Variants in POLA1 observed in about 807,000 individuals in gnomAD.
The protein encoded by POLA1 is DNA polymerase alpha 1, catalytic subunit, also known as DNA polymerase alpha catalytic subunit.
In POLA1, 15 loss-of-function variants were observed where a neutral mutation model predicts 124.0. The ratio of observed to expected loss-of-function variants is 0.12; its 90% CI spans 0.08 to 0.19. The LOEUF (loss-of-function observed/expected upper bound fraction) is 0.19, where lower values mean the gene tolerates loss of function less well. POLA1 is among the 10% of genes least tolerant of loss of function. The pLI, the probability that POLA1 is intolerant of heterozygous loss-of-function variation, is 1.00. For synonymous variants in POLA1, 408 were observed against 389.4 expected (o/e 1.05, Z -0.56); for missense variants, 886 against 1,103.4 (o/e 0.80, Z 2.79).
intron 35 of POLA1, among the ~76,000 whole-genome samples, chrX:24,927,292 G>T (rs1444255546): frequency 9.0e-6 from 1 of 111,707 alleles, no homozygotes; most frequent in Middle Eastern, 4.2e-3. Context: ...CTTTGACTTG[G>T]AGAAAGAATG....
Position 24,826,540 on chromosome X carries a change from C to G in POLA1, c.3675C>G (p.Val1225=). The G allele has an allele frequency of 1.7e-6, 2 of 1,206,159 alleles. No homozygotes were observed. Among genetic ancestry groups the G allele is most frequent in the Non-Finnish European group, 2.2e-6 (2 of 891,645 alleles). Residue 1225 remains valine (V), a synonymous_variant, in exon 32 of 37, where the codon GTC becomes GTG. Coordinates refer to ENST00000379068, the MANE Select transcript of POLA1 (RefSeq NM_001330360.2). ...ACCTGGCCCAGCAGATCCACCCAGT[C>G]GTGGCTCGGATCTGTGAACCAATAG... The part of the protein sequence containing the change: ...QYYLAQQIHP[V]VARICEPIDG...
chrX:24,786,530 A>G (rs1319969927), intron 26 of POLA1, among the ~76,000 whole-genome samples: 1 of 107,782 alleles, frequency 9.3e-6, no homozygotes, highest in South Asian at 4.1e-4. Context: ...ATTTTTAGGG[A>G]CAGGGTCTCA....
At position 24,972,798 on chromosome X, in the gene POLA1, T is replaced by C. The variant is rs760680657; in HGVS notation, c.4262-23007T>C. ...AGATGAGAGAGTTTTTCAAATAACC[T>C]TTCCTGAGAAGCTAAGGAATCTGTA... On this transcript the variant is annotated intron_variant, in intron 36 of 36. Coordinates refer to ENST00000379068, the MANE Select transcript of POLA1 (RefSeq NM_001330360.2). 3.6e-5 allele frequency among the ~76,000 whole-genome samples: 4 copies of C among 112,406 alleles called. No homozygotes were observed. The East Asian group carries it at 8.4e-4, about 24-fold the overall frequency.
chrX:24,947,248 T>C (rs1334065177), intron 36 of POLA1, among the ~76,000 whole-genome samples: 1 of 12,177 alleles, frequency 8.2e-5, no homozygotes, highest in Non-Finnish European at 1.5e-4. Context: ...TGCAGATTCT[T>C]TTTTTTTTTT....
At chrX:24,742,558 G>C (rs1206784853) in intron 22 of POLA1, among the ~76,000 whole-genome samples, 1 of 112,318 alleles carries the variant, frequency 8.9e-6, no homozygotes, top group Non-Finnish European at 1.9e-5. Flanking sequence ...CATCACTTTG[G>C]AACTAAAACT....
At chrX:24,907,188 C>T (rs1215579133) in intron 35 of POLA1, among the ~76,000 whole-genome samples, 1 of 110,483 alleles carries the variant, frequency 9.1e-6, no homozygotes, top group African/African-American at 3.3e-5. Context: ...AAGACTCTGT[C>T]TTAAAGAGAA....
rs11573312 is a variant in POLA1 at position 24,703,837 on chromosome X, G to T, written c.265+490G>T. ...AGGTTCTAGGTATGAAAATTAACTT[G>T]GTCAGTAGAAAGCACCATACAAAGG... On this transcript the variant is annotated intron_variant, in intron 3 of 36. Coordinates refer to ENST00000379068, the MANE Select transcript of POLA1 (RefSeq NM_001330360.2). 7.1e-3 allele frequency among the ~76,000 whole-genome samples: 794 copies of T among 111,826 alleles called. 4 individuals are homozygous for T. The highest frequency in any genetic ancestry group is 0.024 in the African/African-American group (739 of 30,756).
At chrX:24,910,772 G>C (rs772979715) in intron 35 of POLA1, among the ~76,000 whole-genome samples, 2 of 111,752 alleles carry the variant, frequency 1.8e-5, no homozygotes, top group African/African-American at 6.5e-5. Context: ...TGGCAGAAAG[G>C]AAAGGAAAAA....
At chrX:24,798,342 A>G (rs1281815325) in intron 26 of POLA1, among the ~76,000 whole-genome samples, 1 of 110,789 alleles carries the variant, frequency 9.0e-6, no homozygotes, top group Non-Finnish European at 1.9e-5. Flanking sequence ...GTGTGAGTCC[A>G]CCTATACATA....
At position 24,995,787 on chromosome X, in the gene POLA1, C is replaced by G. The variant is rs763108234; in HGVS notation, c.4262-18C>G. The stretch of plus-strand genomic sequence containing the variant: ...AGAAACTACCTGAGACTTCTAATCT[C>G]TCTCTCTCTCTTTTTAGATAAATTG... On this transcript the variant is annotated intron_variant, in intron 36 of 36. Transcript: ENST00000379068. 2.5e-6 allele frequency: 3 copies of G among 1,183,718 alleles called. No homozygotes were observed. In the South Asian group the frequency reaches 5.4e-5, roughly 21 times the overall value.
At chrX:24,712,669 C>A (rs1929541971) in intron 4 of POLA1, among the ~76,000 whole-genome samples, 1 of 111,072 alleles carries the variant, frequency 9.0e-6, no homozygotes, top group Non-Finnish European at 1.9e-5. Flanking sequence ...GATTCTGAGT[C>A]ATAGAAAGAT....
At chrX:24,949,527 T>C (rs2048006684) in intron 36 of POLA1, among the ~76,000 whole-genome samples, 1 of 106,738 alleles carries the variant, frequency 9.4e-6, no homozygotes, top group Non-Finnish European at 1.9e-5. Flanking sequence ...GTTTTTTTTT[T>C]CCTCTTTTTT....
At chrX:24,728,483 G>A (rs1288893000) in intron 15 of POLA1, among the ~76,000 whole-genome samples, 1 of 111,827 alleles carries the variant, frequency 8.9e-6, no homozygotes, top group Non-Finnish European at 1.9e-5. Flanking sequence ...AACTCAGTTT[G>A]TTTGAATCAG....
chrX:24,869,240 T>G (rs1289370229), intron 34 of POLA1, among the ~76,000 whole-genome samples: 1 of 112,758 alleles, frequency 8.9e-6, no homozygotes, highest in Non-Finnish European at 1.9e-5. Flanking sequence ...GGCCAGGAAT[T>G]ACTCTTGATC....
chrX:24,919,813 T>G (rs758620400), intron 35 of POLA1, among the ~76,000 whole-genome samples: 1 of 95,381 alleles, frequency 1.0e-5, no homozygotes, highest in South Asian at 4.8e-4. Flanking sequence ...TTTTTGTTTT[T>G]TTTTTTGTTT....
chrX:24,831,539 G>C (rs1232003366), intron 32 of POLA1, among the ~76,000 whole-genome samples: 1 of 110,533 alleles, frequency 9.0e-6, no homozygotes, highest in African/African-American at 3.3e-5. Context: ...TCCTGCCTCA[G>C]CCTCCTGAGT....
intron 23 of POLA1, among the ~76,000 whole-genome samples, chrX:24,743,664 A>T (rs774440559): frequency 3.3e-4 from 37 of 111,843 alleles, no homozygotes; most frequent in Non-Finnish European, 6.2e-4. Flanking sequence ...TGGTACAAAA[A>T]TAAGTAGGTT....
intron 32 of POLA1, among the ~76,000 whole-genome samples, chrX:24,839,597 G>T (rs11573431): frequency 0.021 from 2,354 of 112,116 alleles, 26 homozygotes; most frequent in Non-Finnish European, 0.032. Context: ...CTGGTGGGGA[G>T]GGGTAGAGAG....
chrX:24,780,531 T>C (rs1024266770), intron 26 of POLA1, among the ~76,000 whole-genome samples: 4 of 112,392 alleles, frequency 3.6e-5, no homozygotes, highest in Non-Finnish European at 3.8e-5. Context: ...TTCAAATGCC[T>C]TTTCTATGTC....
Sources: gnomAD v4.1 joint callset for allele counts (sites outside exome capture counted in the v4.1 genomes callset) on GRCh38, gnomAD v4.1.1 for gene constraint, MANE v1.5 for transcripts, NCBI Gene and HGNC (gene_info 2026-07-23, HGNC 2026-07-21) for gene names.